Variants in ADAMTS6 observed in about 807,000 individuals in gnomAD.
The protein encoded by ADAMTS6 is ADAM metallopeptidase with thrombospondin type 1 motif 6, also known as A disintegrin and metalloproteinase with thrombospondin motifs 6.
Under a neutral mutation model 144.3 loss-of-function variants are expected in ADAMTS6, and 23 were observed. The ratio of observed to expected loss-of-function variants is 0.16; its 90% confidence interval spans 0.11 to 0.23. ADAMTS6 has a LOEUF of 0.23. Among genes scored for constraint, ADAMTS6 ranks in the 10% least tolerant of loss-of-function variants. ADAMTS6 has a pLI of 1.00. For missense variants in ADAMTS6, 999 were observed against 1,379.6 expected (o/e 0.72, Z 4.37); for synonymous variants, 444 against 457.5 (o/e 0.97, Z 0.38).
chr5:65,470,698 T>A (rs938136957), intron 3 of ADAMTS6, 80 bp downstream of exon 3: 39 of 1,205,598 alleles, frequency 3.2e-5, no homozygotes, highest in African/African-American at 8.4e-5. Flanking sequence ...ATATATTTTT[T>A]TTTTAATCTG....
At chr5:65,217,130 C>T (rs920884092) in intron 18 of ADAMTS6, among the ~76,000 whole-genome samples, 3 of 152,130 alleles carry the variant, frequency 2.0e-5, no homozygotes, top group Non-Finnish European at 2.9e-5. Flanking sequence ...TTCATTTAAT[C>T]TTCAAAATAA....
chr5:65,369,544 A>G (rs1477299429), intron 7 of ADAMTS6, among the ~76,000 whole-genome samples: 1 of 152,136 alleles, frequency 6.6e-6, no homozygotes, highest in South Asian at 2.1e-4. Flanking sequence ...TCATTAAAAA[A>G]AAAAACAGTA....
At chr5:65,239,631 G>A (rs553785763) in intron 15 of ADAMTS6, among the ~76,000 whole-genome samples, 3 of 152,240 alleles carry the variant, frequency 2.0e-5, no homozygotes, top group Admixed American at 2.0e-4. Context: ...GCCACAGAAT[G>A]TGACAAAACA....
chr5:65,321,897 G>A (rs745450904), intron 9 of ADAMTS6, among the ~76,000 whole-genome samples: 1 of 151,508 alleles, frequency 6.6e-6, no homozygotes, highest in South Asian at 2.1e-4. Context: ...TGTATTTTTA[G>A]AAGAGACGGG....
chr5:65,224,912 C>G lies in ADAMTS6; in HGVS notation c.2191+12G>C. ...CCAGAGGTGTGAGGAAGAGTTCTCT[C>G]TACATACTCACCTCCCCTGGGCAGT... On this transcript the variant is annotated intron_variant, in intron 17 of 24. Transcript: ENST00000381055. 1 of 1,610,790 alleles carries G rather than the reference C, an allele frequency of 6.2e-7. No homozygotes were observed. Among genetic ancestry groups the G allele is most frequent in the East Asian group, 2.2e-5 (1 of 44,732 alleles).
At chr5:65,431,048 G>GT (rs1377105240) in intron 7 of ADAMTS6, among the ~76,000 whole-genome samples, 2 of 152,164 alleles carry the variant, frequency 1.3e-5, no homozygotes, top group East Asian at 3.8e-4. Context: ...CTTACACGTA[G>GT]TAAGCACTCA....
At chr5:65,294,396 T>C (rs1309150246) in intron 10 of ADAMTS6, among the ~76,000 whole-genome samples, 1 of 152,100 alleles carries the variant, frequency 6.6e-6, no homozygotes, top group African/African-American at 2.4e-5. Flanking sequence ...CTTTTGTAGA[T>C]ACTGAGTCTC....
chr5:65,378,586 T>C (rs548974416), intron 7 of ADAMTS6, among the ~76,000 whole-genome samples: 1 of 152,212 alleles, frequency 6.6e-6, no homozygotes, highest in Non-Finnish European at 1.5e-5. Flanking sequence ...CCTTGTCTTA[T>C]GATGTTACAC....
intron 12 of ADAMTS6, among the ~76,000 whole-genome samples, chr5:65,263,722 T>G (rs1761395130): frequency 6.6e-6 from 1 of 152,236 alleles, no homozygotes; most frequent in Admixed American, 6.5e-5. Flanking sequence ...TGATAAATCT[T>G]ATTTGCAGAA....
rs774172417 is a variant in ADAMTS6 at position 65,470,758 on chromosome 5, A to T, written c.462+20T>A. ...TTCTTATTTTCCCATCAGAAGTTTA[A>T]AATTATAGCATCTACTTACCAACCC... On this transcript the variant is annotated intron_variant, in intron 3 of 24. Transcript: ENST00000381055. The T allele has an allele frequency of 3.9e-6, 6 of 1,526,604 alleles. No individual in the cohort carries two copies. The highest frequency in any genetic ancestry group is 5.2e-6 in the Non-Finnish European group (6 of 1,150,698). 94.6% of individuals were successfully genotyped at this position (1,526,604 alleles called of 1,614,324 possible).
intron 11 of ADAMTS6, among the ~76,000 whole-genome samples, chr5:65,275,416 A>AAAGT (rs1491241170): frequency 7.3e-6 from 1 of 136,986 alleles, no homozygotes; most frequent in Admixed American, 7.4e-5. Flanking sequence ...AGAAAGAAAG[A>AAAGT]AAAGAAAGAA....
intron 21 of ADAMTS6, among the ~76,000 whole-genome samples, chr5:65,196,522 C>CAAAAAAAAAAAAAAAAAAAAAA (rs533444182): frequency 2.6e-5 from 1 of 38,036 alleles, no homozygotes; most frequent in Non-Finnish European, 5.2e-5. Flanking sequence ...GACTCCGTCT[C>CAAAAAAAAAAAAAAAAAAAAAA]AAAAAAAAAA....
At chr5:65,370,949 C>T (rs1050355601) in intron 7 of ADAMTS6, among the ~76,000 whole-genome samples, 7 of 152,216 alleles carry the variant, frequency 4.6e-5, no homozygotes, top group South Asian at 2.1e-4. Context: ...ACTGCCTCCT[C>T]AAGTTGGTCC....
In ADAMTS6 at chr5:65,228,023, G is replaced by T. The variant is rs138415199; in HGVS notation, c.1934-1804C>A. Among the ~76,000 whole-genome samples the T allele has an allele frequency of 4.7e-3, 715 of 152,080 alleles. 2 individuals are homozygous for T. Among genetic ancestry groups the T allele is most frequent in the African/African-American group, 0.016 (669 of 41,490 alleles). On this transcript the variant is annotated intron_variant, in intron 15 of 24. Transcript: ENST00000381055. Reference sequence around the variant, plus strand: ...TAGCGTTAGGTTAATGATTAATTTTGCCATACTGAGCATAGAAATAACAAG... The same window carrying T: ...TAGCGTTAGGTTAATGATTAATTTTTCCATACTGAGCATAGAAATAACAAG...
At chr5:65,319,477 G>A (rs959289791) in intron 9 of ADAMTS6, among the ~76,000 whole-genome samples, 1 of 148,416 alleles carries the variant, frequency 6.7e-6, no homozygotes, top group African/African-American at 2.5e-5. Flanking sequence ...CTCAGGAGTT[G>A]GAGACCAGCC....
At chr5:65,202,954 CCTTCT>C (rs1410548438) in intron 20 of ADAMTS6, among the ~76,000 whole-genome samples, 1 of 152,106 alleles carries the variant, frequency 6.6e-6, no homozygotes, top group South Asian at 2.1e-4. Context: ...ATAAAAGTTG[CCTTCT>C]CTTCTCTTCC....
chr5:65,344,417 C>T (rs1246571611), intron 7 of ADAMTS6, among the ~76,000 whole-genome samples: 1 of 151,840 alleles, frequency 6.6e-6, no homozygotes, highest in Non-Finnish European at 1.5e-5. Flanking sequence ...TGGGATATTA[C>T]ATCATTTGCA....
chr5:65,182,443 C>CAA (rs1216237939), intron 22 of ADAMTS6, among the ~76,000 whole-genome samples: 59 of 56,140 alleles, frequency 1.1e-3, no homozygotes, highest in Middle Eastern at 8.6e-3. Flanking sequence ...GACTCCATCT[C>CAA]AAAAAAAAAA....
At chr5:65,312,819 G>A (rs1467715701) in intron 9 of ADAMTS6, among the ~76,000 whole-genome samples, 2 of 151,996 alleles carry the variant, frequency 1.3e-5, no homozygotes, top group African/African-American at 4.8e-5. Flanking sequence ...GAGGAAGCTA[G>A]CTATTAGAGA....
Sources: allele counts gnomAD v4.1 joint callset (sites outside exome capture counted in the v4.1 genomes callset), GRCh38; gene constraint gnomAD v4.1.1; transcripts MANE v1.5; gene names NCBI Gene and HGNC (gene_info 2026-07-23, HGNC 2026-07-21).